Variants in TRIO observed in about 807,000 individuals in gnomAD.
TRIO encodes trio Rho guanine nucleotide exchange factor, also known as triple functional domain protein.
In TRIO, 58 loss-of-function variants were observed where a neutral mutation model predicts 351.9. The observed-to-expected ratio is 0.16, with a 90% CI of 0.13 to 0.21. The LOEUF is 0.21. Among genes scored for constraint, TRIO ranks in the 10% least tolerant of loss-of-function variants. The pLI is 1.00. For missense variants in TRIO, 3,201 were observed against 4,027.8 expected (o/e 0.79, Z 5.56); for synonymous variants, 1,758 against 1,595.7 (o/e 1.10, Z -2.42).
At chr5:14,330,943 G>T (rs756017127) in intron 10 of TRIO, 43 bp downstream of exon 10, 3 of 1,607,784 alleles carry the variant, frequency 1.9e-6, no homozygotes, top group Non-Finnish European at 2.6e-6. Context: ...AAATACCCGT[G>T]TGGTTGATTT....
At chr5:14,293,925 T>C (rs1455710348) in intron 6 of TRIO, among the ~76,000 whole-genome samples, 6 of 152,088 alleles carry the variant, frequency 3.9e-5, no homozygotes, top group Non-Finnish European at 7.3e-5. Context: ...TTGTGAGGAT[T>C]GTCCACTCTT....
intron 34 of TRIO, among the ~76,000 whole-genome samples, chr5:14,434,471 AAC>A (rs1561486717): frequency 6.6e-6 from 1 of 152,174 alleles, no homozygotes; most frequent in Non-Finnish European, 1.5e-5. Context: ...GCATTTAAAT[AAC>A]ACAACACTCA....
At chr5:14,424,712 CG>C (rs1227808816) in intron 34 of TRIO, among the ~76,000 whole-genome samples, 2 of 152,148 alleles carry the variant, frequency 1.3e-5, no homozygotes, top group African/African-American at 4.8e-5. Context: ...GACTGTCTTT[CG>C]TAAGTGTAGT....
intron 1 of TRIO, among the ~76,000 whole-genome samples, chr5:14,147,510 G>A (rs1787586048): frequency 6.6e-6 from 1 of 152,152 alleles, no homozygotes; most frequent in Admixed American, 6.5e-5. Context: ...TGCCTGGCAC[G>A]CTTTAGGTTG....
At chr5:14,223,945 C>T (rs750556004) in intron 1 of TRIO, among the ~76,000 whole-genome samples, 2 of 152,144 alleles carry the variant, frequency 1.3e-5, no homozygotes, top group Non-Finnish European at 2.9e-5. Context: ...ATTTGTTATG[C>T]TTGTCTTGAT....
intron 11 of TRIO, among the ~76,000 whole-genome samples, chr5:14,352,476 GT>G (rs1174629331): frequency 2.0e-5 from 3 of 152,166 alleles, no homozygotes; most frequent in Admixed American, 6.5e-5. Flanking sequence ...CATCCTAGAG[GT>G]TTTTTCTCGT....
rs575280662 is a variant in TRIO, at chr5:14,368,001, T to TA, written c.2875-699dup. On this transcript the variant is annotated intron_variant, in intron 16 of 56. Coordinates refer to ENST00000344204, the MANE Select transcript of TRIO (RefSeq NM_007118.4). ...CGAAATGAGAGGTTTTGCTATTGTTTAAAAAAAATCTGTCCTTAGAGACCT... is the reference window on the plus strand; with the variant it reads ...CGAAATGAGAGGTTTTGCTATTGTTTAAAAAAAAATCTGTCCTTAGAGACCT... Among the ~76,000 whole-genome samples the TA allele has an allele frequency of 1.4e-4, 22 of 152,174 alleles. No individual in the cohort carries two copies. In the East Asian group the frequency reaches 3.3e-3, roughly 23 times the overall value.
chr5:14,453,286 C>T (rs1037900387), intron 34 of TRIO, among the ~76,000 whole-genome samples: 14 of 152,174 alleles, frequency 9.2e-5, no homozygotes, highest in African/African-American at 3.4e-4. Context: ...CTGATAGTAT[C>T]TTGTGCTCAA....
intron 33 of TRIO, among the ~76,000 whole-genome samples, chr5:14,410,779 G>A (rs1749132562): frequency 6.6e-6 from 1 of 152,186 alleles, no homozygotes; most frequent in Non-Finnish European, 1.5e-5. Flanking sequence ...GTCTGAAGGA[G>A]GGACCCTGGA....
intron 33 of TRIO, among the ~76,000 whole-genome samples, chr5:14,416,122 A>T (rs1579591242): frequency 6.7e-6 from 1 of 150,206 alleles, no homozygotes; most frequent in Non-Finnish European, 1.5e-5. Context: ...ATAAAATGGT[A>T]ACTCTTTCAA....
At position 14,236,981 on chromosome 5, in the gene TRIO, G is replaced by T. The variant is rs557037038; in HGVS notation, c.158-33844G>T. On this transcript the variant is annotated intron_variant, in intron 1 of 56. Coordinates refer to ENST00000344204, the MANE Select transcript of TRIO (RefSeq NM_007118.4). ...TTCTCAGCCTCTCCTGTTACACTCTGTGATAACCTGGTGCACCTTTGTAAG... is the reference window on the plus strand; with the variant it reads ...TTCTCAGCCTCTCCTGTTACACTCTTTGATAACCTGGTGCACCTTTGTAAG... Among the ~76,000 whole-genome samples the T allele has an allele frequency of 1.1e-4, 16 of 152,308 alleles. No individual in the cohort carries two copies. In the South Asian group the frequency reaches 3.3e-3, roughly 32 times the overall value.
At chr5:14,190,081 G>A (rs1323164454) in intron 1 of TRIO, among the ~76,000 whole-genome samples, 1 of 151,932 alleles carries the variant, frequency 6.6e-6, no homozygotes, top group Admixed American at 6.6e-5. Flanking sequence ...CAACAGAGCT[G>A]GTTTGCACAG....
chr5:14,488,703 A>G (rs1456681970), intron 48 of TRIO: 7 of 562,902 alleles, frequency 1.2e-5, no homozygotes, highest in Non-Finnish European at 2.2e-5. Context: ...TCTTTGCGGC[A>G]TTTTTGACTC....
Position 14,497,242 on chromosome 5 carries a change from G to A in TRIO, c.8019+225G>A, listed in dbSNP as rs192247674. Among the ~76,000 whole-genome samples the A allele has an allele frequency of 6.6e-6, 1 of 152,320 alleles. No individual in the cohort carries two copies. Among genetic ancestry groups the A allele is most frequent in the Admixed American group, 6.5e-5 (1 of 15,296 alleles). On this transcript the variant is annotated intron_variant, in intron 50 of 56. Transcript: ENST00000344204. This position sits in a 1 kb window ranked among gnomAD's most constrained non-coding sequence, Gnocchi z 4.4. ...ACCAGGTAGACCCCTGCACACTTCC[G>A]CAGGTGCACATGTGGCTTCTAAAGA... is the stretch of plus-strand genomic sequence containing the variant.
At position 14,364,692 on chromosome 5, in the gene TRIO, G is replaced by C. The variant is rs201818413; in HGVS notation, c.2630G>C (p.Arg877Pro). Residue 877 changes from arginine (R) to proline (P), a missense_variant, in exon 15 of 57, where the codon CGG (arginine) becomes CCG (proline). This residue lies in a region of TRIO where 363 missense variants were observed against 553.5 expected (regional missense o/e 0.66). Coordinates refer to ENST00000344204, the MANE Select transcript of TRIO (RefSeq NM_007118.4). Reference sequence around the variant, plus strand: ...GATAGAGATGTAGACATGGCAACTCGGGTCCAGGACCTGCTGGAGTTTCTT... The same window carrying C: ...GATAGAGATGTAGACATGGCAACTCCGGTCCAGGACCTGCTGGAGTTTCTT... ...LCDRDVDMAT[R>P]VQDLLEFLHE... is the part of the protein sequence containing the mutation. The C allele has an allele frequency of 6.2e-7, 1 of 1,613,896 alleles. No homozygotes were observed. The highest frequency in any genetic ancestry group is 2.2e-5 in the East Asian group (1 of 44,886).
intron 11 of TRIO, among the ~76,000 whole-genome samples, chr5:14,341,390 C>G (rs546498858): frequency 2.2e-4 from 34 of 152,274 alleles, no homozygotes; most frequent in Non-Finnish European, 4.9e-4. Context: ...TGTGTGTCTC[C>G]TACATTTTAG....
At chr5:14,248,880 G>A (rs1245312357) in intron 1 of TRIO, among the ~76,000 whole-genome samples, 5 of 152,202 alleles carry the variant, frequency 3.3e-5, no homozygotes, top group African/African-American at 4.8e-5. Context: ...TAACTTGGAC[G>A]TGGTACTTCT....
At chr5:14,174,720 A>G (rs1789304196) in intron 1 of TRIO, among the ~76,000 whole-genome samples, 1 of 152,242 alleles carries the variant, frequency 6.6e-6, no homozygotes, top group Non-Finnish European at 1.5e-5. Flanking sequence ...TCAGATCGCC[A>G]AATAAATAAT....
chr5:14,255,141 A>G (rs1016901410), intron 1 of TRIO, among the ~76,000 whole-genome samples: 16 of 152,268 alleles, frequency 1.1e-4, no homozygotes, highest in Admixed American at 2.6e-4. Context: ...AAATGGTTGC[A>G]TCCTTAAATA....
Sources: allele counts gnomAD v4.1 joint callset (sites outside exome capture counted in the v4.1 genomes callset), GRCh38; gene constraint gnomAD v4.1.1; regional missense constraint gnomAD v4.1.1; non-coding constraint Gnocchi (gnomAD v3.1); transcripts MANE v1.5; gene names NCBI Gene and HGNC (gene_info 2026-07-23, HGNC 2026-07-21).